CHST11: variants seen among roughly 807,000 people sequenced by gnomAD.
CHST11 encodes the protein C4S-1.
Under a neutral mutation model 30.4 loss-of-function variants are expected in CHST11, and 9 were observed. The observed-to-expected ratio is 0.30, with a 90% CI of 0.18 to 0.52. The LOEUF (loss-of-function observed/expected upper bound fraction) is 0.52, where lower values mean the gene tolerates loss of function less well. Among genes scored for constraint, CHST11 ranks in the 20% least tolerant of loss-of-function variants. The probability of loss-of-function intolerance (pLI) is 0.97; values close to 1 mark genes in which losing one functional copy is unlikely to be tolerated. For synonymous variants in CHST11, 152 were observed against 187.8 expected (o/e 0.81, Z 1.56); for missense variants, 348 against 460.6 (o/e 0.76, Z 2.24).
chr12:104,507,907 C>T (rs79216615), intron 1 of CHST11, among the ~76,000 whole-genome samples: 6,541 of 152,242 alleles, frequency 0.043, 221 homozygotes, highest in Admixed American at 0.1. Context: ...CATCAAGGCT[C>T]CTGGCAGACT....
chr12:104,558,062 C>T (rs1209303657), intron 1 of CHST11, among the ~76,000 whole-genome samples: 12 of 152,130 alleles, frequency 7.9e-5, no homozygotes, highest in Admixed American at 7.9e-4. Flanking sequence ...GCCGCAGCAG[C>T]AGCTTCTGTC....
chr12:104,685,661 A>G (rs918310812), intron 2 of CHST11, among the ~76,000 whole-genome samples: 4 of 152,220 alleles, frequency 2.6e-5, no homozygotes, highest in African/African-American at 7.2e-5. Context: ...TGCTTGGCAC[A>G]TAATAGCACT....
chr12:104,639,267 G>C (rs12814959), intron 2 of CHST11, among the ~76,000 whole-genome samples: 8,181 of 152,220 alleles, frequency 0.054, 443 homozygotes, highest in African/African-American at 0.14. Flanking sequence ...ACAGGTTGAA[G>C]ATTAAGATGG....
intron 1 of CHST11, among the ~76,000 whole-genome samples, chr12:104,533,303 G>T (rs1056472971): frequency 6.6e-6 from 1 of 152,224 alleles, no homozygotes; most frequent in Non-Finnish European, 1.5e-5. Context: ...AGGAAGAAGT[G>T]TAATGAACTC....
intron 1 of CHST11, among the ~76,000 whole-genome samples, chr12:104,544,139 AAAGAAAGAAAG>A (rs1385428164): frequency 5.6e-4 from 3 of 5,398 alleles, no homozygotes; most frequent in African/African-American, 1.4e-3. Flanking sequence ...AAAAAAAAAA[AAAGAAAGAAAG>A]AAAGAAAGAA....
Position 104,457,593 on chromosome 12 carries a change from C to A in CHST11, c.118+64C>A, listed in dbSNP as rs552437886. On this transcript the variant is annotated intron_variant, in intron 1 of 2. Transcript: ENST00000303694. ...TTCTCTCTCGCGCTCTAGCTCGCTC[C>A]GCCTGATTTCTGCCTCTTCCAACCC... The A allele has an allele frequency of 8.5e-5, 100 of 1,183,112 alleles. No homozygotes were observed. The South Asian group carries it at 1.2e-3, about 14-fold the overall frequency. The allele number at this position is 1,183,112 out of a possible 1,614,324, so 73.3% of individuals were successfully genotyped here.
intron 2 of CHST11, among the ~76,000 whole-genome samples, chr12:104,680,659 C>T (rs2039786600): frequency 6.6e-6 from 1 of 152,226 alleles, no homozygotes; most frequent in African/African-American, 2.4e-5. Flanking sequence ...AAATGCTGTG[C>T]ACTCAGTAAA....
At chr12:104,607,293 G>T (rs538597995) in intron 2 of CHST11, among the ~76,000 whole-genome samples, 1 of 152,234 alleles carries the variant, frequency 6.6e-6, no homozygotes, top group South Asian at 2.1e-4. Context: ...ATAAAAGCTT[G>T]TAATAGTCCA....
chr12:104,567,018 G>C (rs2136020686), intron 1 of CHST11, among the ~76,000 whole-genome samples: 1 of 152,150 alleles, frequency 6.6e-6, no homozygotes, highest in Admixed American at 6.5e-5. Context: ...ATGTTGGCAA[G>C]TTTTGCAAAT....
intron 2 of CHST11, among the ~76,000 whole-genome samples, chr12:104,605,152 C>CAA (rs3039180): frequency 1.9e-4 from 18 of 93,492 alleles, no homozygotes; most frequent in South Asian, 3.6e-4. Context: ...ATCCCCTCTC[C>CAA]AAAAAAAAAA....
chr12:104,542,784 A>G (rs1015111197), intron 1 of CHST11, among the ~76,000 whole-genome samples: 1 of 152,202 alleles, frequency 6.6e-6, no homozygotes, highest in African/African-American at 2.4e-5. Flanking sequence ...TACCTCTTCA[A>G]AACATTAACC....
intron 1 of CHST11, among the ~76,000 whole-genome samples, chr12:104,498,899 C>T (rs1297582293): frequency 6.6e-6 from 1 of 151,264 alleles, no homozygotes; most frequent in Non-Finnish European, 1.5e-5. Flanking sequence ...ATATGCTTTT[C>T]CAGAAGAAGA....
intron 1 of CHST11, among the ~76,000 whole-genome samples, chr12:104,511,423 T>A (rs2037964825): frequency 6.6e-6 from 1 of 152,206 alleles, no homozygotes; most frequent in Non-Finnish European, 1.5e-5. Flanking sequence ...TATGTTATCA[T>A]CCAGTCTTGC....
intron 2 of CHST11, among the ~76,000 whole-genome samples, chr12:104,723,508 G>A (rs1008789974): frequency 6.6e-6 from 1 of 152,226 alleles, no homozygotes; most frequent in Admixed American, 6.5e-5. Context: ...ATCACTCCCT[G>A]TTTTAGTTTT....
intron 2 of CHST11, among the ~76,000 whole-genome samples, chr12:104,615,869 A>G (rs1482429310): frequency 1.3e-5 from 2 of 152,136 alleles, no homozygotes; most frequent in Non-Finnish European, 2.9e-5. Flanking sequence ...TGGAGGCTGC[A>G]GTGAGCCAAG....
intron 1 of CHST11, among the ~76,000 whole-genome samples, chr12:104,596,257 C>A (rs1438121779): frequency 8.5e-5 from 13 of 152,194 alleles, no homozygotes; most frequent in Admixed American, 8.5e-4. Flanking sequence ...TTGGAAAAAA[C>A]GTTTCTGCAA....
chr12:104,579,599 T>G (rs2038719234), intron 1 of CHST11, among the ~76,000 whole-genome samples: 1 of 152,202 alleles, frequency 6.6e-6, no homozygotes, highest in Admixed American at 6.5e-5. Flanking sequence ...CAAATGTAAT[T>G]TCAAGAGAAT....
intron 2 of CHST11, among the ~76,000 whole-genome samples, chr12:104,625,176 T>A (rs1353251596): frequency 6.6e-6 from 1 of 152,244 alleles, no homozygotes; most frequent in Non-Finnish European, 1.5e-5. Flanking sequence ...GCCACTAGAA[T>A]CACTGTTTCC....
intron 2 of CHST11, among the ~76,000 whole-genome samples, chr12:104,717,827 G>T (rs1463932694): frequency 6.6e-6 from 1 of 151,986 alleles, no homozygotes; most frequent in Admixed American, 6.5e-5. Flanking sequence ...GTGGGCGCCT[G>T]TAATCCCAGC....
Sources: gnomAD v4.1 joint callset for allele counts (sites outside exome capture counted in the v4.1 genomes callset) on GRCh38, gnomAD v4.1.1 for gene constraint, MANE v1.5 for transcripts, NCBI Gene and HGNC (gene_info 2026-07-23, HGNC 2026-07-21) for gene names.